PNLIPRP3: variants seen among roughly 807,000 people sequenced by gnomAD.
PNLIPRP3 encodes pancreatic lipase-related protein 3.
PNLIPRP3 carries 58 observed loss-of-function variants against 52.8 expected under a neutral mutation model. That is an observed-to-expected ratio of 1.10 (90% CI 0.89 to 1.37). The LOEUF is 1.37. Among genes scored for constraint, PNLIPRP3 ranks in the 40% most tolerant of loss-of-function variants. The pLI is 0.00. For synonymous variants in PNLIPRP3, 192 were observed against 185.0 expected (o/e 1.04, Z -0.31); for missense variants, 593 against 561.6 (o/e 1.06, Z -0.57).
At chr10:116,438,792 T>C (rs1374525000) in intron 2 of PNLIPRP3, among the ~76,000 whole-genome samples, 3 of 152,174 alleles carry the variant, frequency 2.0e-5, no homozygotes, top group Non-Finnish European at 4.4e-5. Context: ...TGGCTGTCTC[T>C]AGAACAAGGA....
At chr10:116,474,343 A>G (rs958627262) in intron 10 of PNLIPRP3, among the ~76,000 whole-genome samples, 2 of 152,188 alleles carry the variant, frequency 1.3e-5, no homozygotes, top group African/African-American at 4.8e-5. Flanking sequence ...AACTATAAAA[A>G]CCCTGGAAAA....
At chr10:116,458,126 T>C (rs1846141795) in intron 5 of PNLIPRP3, among the ~76,000 whole-genome samples, 1 of 151,894 alleles carries the variant, frequency 6.6e-6, no homozygotes, top group South Asian at 2.1e-4. Flanking sequence ...TAAGTAGTTG[T>C]CATAATAAAT....
At chr10:116,458,784 G>A (rs986947332) in intron 5 of PNLIPRP3, among the ~76,000 whole-genome samples, 3 of 152,036 alleles carry the variant, frequency 2.0e-5, no homozygotes, top group Non-Finnish European at 4.4e-5. Context: ...CAATAGAAGC[G>A]CTGTGCTGAA....
chr10:116,450,942 A>G (rs1198949590), intron 4 of PNLIPRP3, among the ~76,000 whole-genome samples: 1 of 152,196 alleles, frequency 6.6e-6, no homozygotes, highest in Non-Finnish European at 1.5e-5. Context: ...AGTAAAAACA[A>G]TTGTGAAATG....
chr10:116,456,375 G>A (rs1316054524), intron 5 of PNLIPRP3, among the ~76,000 whole-genome samples: 2 of 152,184 alleles, frequency 1.3e-5, no homozygotes, highest in African/African-American at 2.4e-5. Flanking sequence ...TGATTATGGC[G>A]ATGGATGTCC....
At chr10:116,472,916 C>T (rs1846398166) in intron 10 of PNLIPRP3, among the ~76,000 whole-genome samples, 3 of 152,198 alleles carry the variant, frequency 2.0e-5, no homozygotes, top group Non-Finnish European at 4.4e-5. Flanking sequence ...TTTGTTTCTA[C>T]CTCTTCTTCA....
At chr10:116,458,438 T>C (rs1465165896) in intron 5 of PNLIPRP3, among the ~76,000 whole-genome samples, 1 of 129,128 alleles carries the variant, frequency 7.7e-6, no homozygotes, top group Non-Finnish European at 1.6e-5. Flanking sequence ...CCTTACGTCT[T>C]GGAAAGACTG....
chr10:116,444,267 A>G, intron 3 of PNLIPRP3, 115 bp from the exon 4 acceptor site: 2 of 878,906 alleles, frequency 2.3e-6, no homozygotes, highest in South Asian at 4.6e-5. Flanking sequence ...CGGGGACACA[A>G]AGTCTAACCA....
At chr10:116,428,750 T>C (rs1589972441) in intron 1 of PNLIPRP3, among the ~76,000 whole-genome samples, 1 of 152,278 alleles carries the variant, frequency 6.6e-6, no homozygotes, top group East Asian at 1.9e-4. Flanking sequence ...ACATTAAAAT[T>C]AGTTGATTTA....
At chr10:116,454,537 C>T (rs1748751791) in intron 4 of PNLIPRP3, among the ~76,000 whole-genome samples, 1 of 152,216 alleles carries the variant, frequency 6.6e-6, no homozygotes, top group Admixed American at 6.5e-5. Flanking sequence ...TCCTGTGTAA[C>T]TGAAGCTTTG....
intron 5 of PNLIPRP3, among the ~76,000 whole-genome samples, chr10:116,456,258 CATTCTAGT>C (rs1846111870): frequency 6.6e-6 from 1 of 152,132 alleles, no homozygotes. Flanking sequence ...AGAAGGAGTA[CATTCTAGT>C]ACATGATACA....
At chr10:116,454,026 C>G (rs541203589) in intron 4 of PNLIPRP3, among the ~76,000 whole-genome samples, 1 of 152,078 alleles carries the variant, frequency 6.6e-6, no homozygotes, top group South Asian at 2.1e-4. Flanking sequence ...CGAGTGAGAA[C>G]ATTCAGTGTT....
Position 116,477,172 on chromosome 10 carries a change from T to C in PNLIPRP3, c.*19T>C. On this transcript the variant is annotated 3_prime_UTR_variant, in exon 12 of 12. Transcript: ENST00000369230. ...ATGCTAATCTCAGATACAGTCTTGA[T>C]GGATTTCTTTAGTAGGAGCAATGAA... 4 of 1,560,906 alleles carry C rather than the reference T, an allele frequency of 2.6e-6. No homozygotes were observed. The highest frequency in any genetic ancestry group is 3.5e-6 in the Non-Finnish European group (4 of 1,138,740).
intron 7 of PNLIPRP3, among the ~76,000 whole-genome samples, chr10:116,464,306 G>A (rs1846244027): frequency 6.6e-6 from 1 of 152,190 alleles, no homozygotes; most frequent in African/African-American, 2.4e-5. Flanking sequence ...GATACTATAT[G>A]CACAGGGATA....
chr10:116,467,996 G>T (rs1846306819), intron 8 of PNLIPRP3, among the ~76,000 whole-genome samples: 1 of 151,512 alleles, frequency 6.6e-6, no homozygotes, highest in South Asian at 2.1e-4. Context: ...GTGGTGGCGG[G>T]TGCCTGTAGT....
chr10:116,444,506 T>C lies in PNLIPRP3; in HGVS notation c.449T>C (p.Val150Ala), dbSNP rs1370230414. Residue 150 changes from valine (V) to alanine (A), a missense_variant, in exon 4 of 12, where the codon GTT (valine) becomes GCT (alanine). By Grantham distance (64) the Val-to-Ala change is moderately conservative. Coordinates refer to ENST00000369230, the MANE Select transcript of PNLIPRP3 (RefSeq NM_001011709.3). ...VGAEVAYFID[V>A]LMKKFEYSPS... Reference sequence around the variant, plus strand: ...GCTGAGGTGGCTTATTTTATTGATGTTCTCATGGTAAGAAGAGTTGATTTT... The same window carrying C: ...GCTGAGGTGGCTTATTTTATTGATGCTCTCATGGTAAGAAGAGTTGATTTT... 2 of 1,612,622 alleles carry C rather than the reference T, an allele frequency of 1.2e-6. No individual in the cohort carries two copies. Among genetic ancestry groups the C allele is most frequent in the Admixed American group, 3.3e-5 (2 of 59,864 alleles).
rs1846326886 is a variant in PNLIPRP3, at chr10:116,469,190, T to C, written c.933T>C (p.Asn311=). Reference sequence around the variant, plus strand: ...CTTTCATTTTCTGTCATCAGGGAAATTGCTTCTTTTGTTCCAAAGAAGGTT... The same window carrying C: ...CTTTCATTTTCTGTCATCAGGGAAACTGCTTCTTTTGTTCCAAAGAAGGTT... The part of the protein sequence containing the change: ...CRSYTSFKAG[N]CFFCSKEGCP... Residue 311 remains asparagine (N), a synonymous_variant, in exon 9 of 12, where the codon AAT becomes AAC. Transcript: ENST00000369230. The C allele has an allele frequency of 6.2e-7, 1 of 1,610,122 alleles. No individual in the cohort carries two copies. Among genetic ancestry groups the C allele is most frequent in the Non-Finnish European group, 8.5e-7 (1 of 1,178,984 alleles).
intron 1 of PNLIPRP3, among the ~76,000 whole-genome samples, chr10:116,432,897 G>A (rs917895982): frequency 6.6e-5 from 10 of 151,570 alleles, no homozygotes; most frequent in Admixed American, 5.3e-4. Context: ...GGCGGATCAC[G>A]AGGTCAGGAG....
intron 10 of PNLIPRP3, among the ~76,000 whole-genome samples, chr10:116,475,166 A>T (rs189620288): frequency 2.6e-5 from 4 of 152,344 alleles, no homozygotes; most frequent in African/African-American, 9.6e-5. Flanking sequence ...CATTATCCTT[A>T]GCAAACTAAT....
Sources: gnomAD v4.1 joint callset for allele counts (sites outside exome capture counted in the v4.1 genomes callset) on GRCh38, gnomAD v4.1.1 for gene constraint, MANE v1.5 for transcripts, NCBI Gene and HGNC (gene_info 2026-07-23, HGNC 2026-07-21) for gene names.